Variants in FAM227B observed in about 807,000 individuals in gnomAD.
FAM227B encodes protein FAM227B.
FAM227B carries 88 observed loss-of-function variants against 73.8 expected under a neutral mutation model. That is an observed-to-expected ratio of 1.19 (90% CI 1.00 to 1.42). FAM227B has a LOEUF of 1.42. Among genes scored for constraint, FAM227B ranks in the 40% most tolerant of loss-of-function variants. The pLI is 0.00. For synonymous variants in FAM227B, 210 were observed against 190.5 expected (o/e 1.10, Z -0.84); for missense variants, 632 against 590.9 (o/e 1.07, Z -0.72).
intron 11 of FAM227B, among the ~76,000 whole-genome samples, chr15:49,440,278 G>T (rs1597205898): frequency 6.6e-6 from 1 of 151,684 alleles, no homozygotes; most frequent in East Asian, 2.0e-4. Context: ...TTACAATTTG[G>T]ATCATTTCCC....
At chr15:49,356,314 T>A (rs1440173412) in intron 13 of FAM227B, among the ~76,000 whole-genome samples, 11 of 150,902 alleles carry the variant, frequency 7.3e-5, no homozygotes, top group South Asian at 2.1e-4. Context: ...TCAAGACCCA[T>A]CAGTGTGCTG....
At chr15:49,467,492 A>G (rs959361866) in intron 11 of FAM227B, among the ~76,000 whole-genome samples, 3 of 152,152 alleles carry the variant, frequency 2.0e-5, no homozygotes, top group African/African-American at 4.8e-5. Context: ...CCTGCTGAAG[A>G]TATTTTAGAC....
At chr15:49,591,045 A>ATTTTTTTTTTTTTTTTTTTTTTGTT (rs748799826) in intron 3 of FAM227B, among the ~76,000 whole-genome samples, 1 of 72,564 alleles carries the variant, frequency 1.4e-5, no homozygotes, top group Non-Finnish European at 2.5e-5. Flanking sequence ...TTTTTTTTTG[A>ATTTTTTTTTTTTTTTTTTTTTTGTT]TTTTTTTTTT....
At chr15:49,389,059 C>T (rs576735324) in intron 11 of FAM227B, among the ~76,000 whole-genome samples, 1 of 152,070 alleles carries the variant, frequency 6.6e-6, no homozygotes, top group South Asian at 2.1e-4. Flanking sequence ...TAAATTAGTA[C>T]AACCTCTATG....
intron 12 of FAM227B, among the ~76,000 whole-genome samples, 199 bp downstream of exon 12, chr15:49,371,103 G>C (rs1362639697): frequency 6.6e-6 from 1 of 151,972 alleles, no homozygotes; most frequent in Admixed American, 6.6e-5. Context: ...ATTAGAAATG[G>C]GGATATTTTC....
intron 13 of FAM227B, among the ~76,000 whole-genome samples, chr15:49,340,379 G>A (rs1222758338): frequency 6.6e-6 from 1 of 150,394 alleles, no homozygotes; most frequent in Admixed American, 6.6e-5. Flanking sequence ...GGCCCCTTGT[G>A]CTTCCTGGGT....
chr15:49,581,234 A>G (rs2075791670), intron 5 of FAM227B, among the ~76,000 whole-genome samples: 1 of 152,220 alleles, frequency 6.6e-6, no homozygotes, highest in Non-Finnish European at 1.5e-5. Context: ...AGAGAAGGGC[A>G]GGTAAACCTA....
At chr15:49,451,689 C>T (rs1028088197) in intron 11 of FAM227B, among the ~76,000 whole-genome samples, 2 of 151,964 alleles carry the variant, frequency 1.3e-5, no homozygotes, top group African/African-American at 2.4e-5. Flanking sequence ...TTTTTATGTA[C>T]GTCTCAAATC....
At chr15:49,430,611 T>C (rs554572745) in intron 11 of FAM227B, among the ~76,000 whole-genome samples, 17 of 151,954 alleles carry the variant, frequency 1.1e-4, no homozygotes, top group African/African-American at 3.6e-4. Context: ...ATCAAGGTAA[T>C]GGCATCTAGC....
At position 49,581,005 on chromosome 15, in the gene FAM227B, G is replaced by T. The variant is rs147279029; in HGVS notation, c.406-3341C>A. Reference sequence around the variant, plus strand: ...AAAGAGATCAAATCTACACTCACTAGAGTTCCTGAAAATGGGGGAGAGAAA... The same window carrying T: ...AAAGAGATCAAATCTACACTCACTATAGTTCCTGAAAATGGGGGAGAGAAA... On this transcript the variant is annotated intron_variant, in intron 5 of 15. Coordinates refer to ENST00000299338, the MANE Select transcript of FAM227B (RefSeq NM_152647.3). Among the ~76,000 whole-genome samples the T allele has an allele frequency of 5.9e-5, 9 of 152,244 alleles. No homozygotes were observed. In the East Asian group the frequency reaches 1.7e-3, roughly 29 times the overall value.
chr15:49,354,763 C>T (rs2042832691), intron 13 of FAM227B, among the ~76,000 whole-genome samples: 1 of 152,052 alleles, frequency 6.6e-6, no homozygotes, highest in Non-Finnish European at 1.5e-5. Context: ...CTGCCTGCCT[C>T]TGTAGGCTCC....
Position 49,367,313 on chromosome 15 carries a change from A to C in FAM227B, c.1271+135T>G, listed in dbSNP as rs982616663. On this transcript the variant is annotated intron_variant, in intron 13 of 15. Transcript: ENST00000299338. ...ACATACTACCAAAGTTTTAAGCATA[A>C]GTAAATATTAATACTAAACAGAAGC... 19 of 744,230 alleles carry C rather than the reference A, an allele frequency of 2.6e-5. No individual in the cohort carries two copies. The African/African-American group carries it at 3.5e-4, about 14-fold the overall frequency. The allele number at this position is 744,230 out of a possible 1,614,324, so 46.1% of individuals were successfully genotyped here. A position where few individuals can be genotyped will look rare whatever the true frequency, so the allele number is the denominator to read the frequency against.
chr15:49,439,453 T>C (rs563541443), intron 11 of FAM227B, among the ~76,000 whole-genome samples: 1 of 151,556 alleles, frequency 6.6e-6, no homozygotes, highest in South Asian at 2.1e-4. Flanking sequence ...TACCCAAGGG[T>C]GTGAATAGTG....
chr15:49,586,531 T>C (rs755722497), intron 5 of FAM227B, among the ~76,000 whole-genome samples: 1 of 151,848 alleles, frequency 6.6e-6, no homozygotes, highest in Non-Finnish European at 1.5e-5. Context: ...AAGCAAAAAA[T>C]GACAAATAGG....
chr15:49,363,318 C>A (rs1012339338), intron 13 of FAM227B, among the ~76,000 whole-genome samples: 4 of 152,002 alleles, frequency 2.6e-5, no homozygotes, highest in African/African-American at 9.7e-5. Flanking sequence ...TTTTGTAATT[C>A]TTGTTGTAGA....
At chr15:49,395,993 G>A (rs537921689) in intron 11 of FAM227B, 8 of 455,970 alleles carry the variant, frequency 1.8e-5, no homozygotes, top group Admixed American at 9.4e-5. Flanking sequence ...GGGGCGAGGA[G>A]CCAAGATGGC....
At chr15:49,569,164 T>C (rs539273865) in intron 8 of FAM227B, among the ~76,000 whole-genome samples, 1 of 151,930 alleles carries the variant, frequency 6.6e-6, no homozygotes, top group Non-Finnish European at 1.5e-5. Flanking sequence ...TGTTGGCATA[T>C]ATTCATTTAC....
At chr15:49,373,461 T>C (rs769328709) in intron 11 of FAM227B, among the ~76,000 whole-genome samples, 9 of 152,112 alleles carry the variant, frequency 5.9e-5, no homozygotes, top group Non-Finnish European at 1.3e-4. Flanking sequence ...CCCCAAATTA[T>C]AGTTTTAGTG....
At chr15:49,540,170 T>A (rs934839287) in intron 10 of FAM227B, among the ~76,000 whole-genome samples, 2 of 152,278 alleles carry the variant, frequency 1.3e-5, no homozygotes, top group African/African-American at 4.8e-5. Context: ...ACAGAAAGGA[T>A]GAACACTAAG....
Sources: allele counts gnomAD v4.1 joint callset (sites outside exome capture counted in the v4.1 genomes callset), GRCh38; gene constraint gnomAD v4.1.1; transcripts MANE v1.5; gene names NCBI Gene and HGNC (gene_info 2026-07-23, HGNC 2026-07-21).